The following ADAM22 variants were observed in gnomAD, a reference collection of about 807,000 sequenced individuals.
ADAM22 encodes the protein ADAM metallopeptidase domain 22.
In ADAM22, 65 loss-of-function variants were observed where a neutral mutation model predicts 144.6. The observed-to-expected ratio is 0.45, with a 90% CI of 0.37 to 0.55. ADAM22 has a LOEUF of 0.55. Among genes scored for constraint, ADAM22 ranks in the 20% least tolerant of loss-of-function variants. ADAM22 has a pLI of 0.00. For missense variants in ADAM22, 974 were observed against 1,184.9 expected (o/e 0.82, Z 2.61); for synonymous variants, 391 against 412.6 (o/e 0.95, Z 0.63).
At chr7:88,161,193 G>GAAA (rs34723283) in intron 22 of ADAM22, among the ~76,000 whole-genome samples, 2 of 136,960 alleles carry the variant, frequency 1.5e-5, no homozygotes, top group African/African-American at 5.3e-5. Context: ...AACATATTTG[G>GAAA]AAAAAAAAAA....
rs1373569116 is a variant in ADAM22, at chr7:88,135,996, G to T, written c.1185G>T (p.Glu395Asp). 1 of 1,611,998 alleles carries T rather than the reference G, an allele frequency of 6.2e-7. No individual in the cohort carries two copies. The highest frequency in any genetic ancestry group is 1.1e-5 in the South Asian group (1 of 90,514). ...RKLASGECKC[E>D]DTWSGCIMGD... ...TTCTCTTAGGTGAATGTAAATGCGA[G>T]GACACGTGGTCCGGGTGCATAATGG... Residue 395 changes from glutamate (E) to aspartate (D), a missense_variant, in exon 14 of 32, where the codon GAG becomes GAT. Glu to Asp is a conservative substitution (Grantham distance 45). Around this residue, in one of 2 missense-constraint regions of ADAM22, gnomAD observed 734 missense variants for 950.6 expected, o/e 0.77. Transcript: ENST00000413139.
intron 6 of ADAM22, among the ~76,000 whole-genome samples, chr7:88,115,710 C>T (rs1477244827): frequency 1.3e-5 from 2 of 152,146 alleles, no homozygotes; most frequent in Non-Finnish European, 2.9e-5. Context: ...ACATTCAGTC[C>T]ACAACAAATC....
chr7:87,958,806 C>G (rs1268159727), intron 2 of ADAM22, among the ~76,000 whole-genome samples: 1 of 152,022 alleles, frequency 6.6e-6, no homozygotes, highest in Non-Finnish European at 1.5e-5. Context: ...TTTTGACTGG[C>G]CTATTATGCG....
chr7:88,005,456 C>T (rs1434561481), intron 3 of ADAM22, among the ~76,000 whole-genome samples: 1 of 152,142 alleles, frequency 6.6e-6, no homozygotes, highest in Admixed American at 6.5e-5. Context: ...TACCTTCAAA[C>T]AATTTTAGCT....
intron 3 of ADAM22, among the ~76,000 whole-genome samples, chr7:87,990,548 C>A (rs1789546545): frequency 6.6e-6 from 1 of 152,184 alleles, no homozygotes; most frequent in African/African-American, 2.4e-5. Context: ...ACTTTCCCTC[C>A]CCACTATTGG....
intron 26 of ADAM22, among the ~76,000 whole-genome samples, chr7:88,177,375 C>A (rs1013293307): frequency 2.0e-5 from 3 of 151,142 alleles, no homozygotes; most frequent in Admixed American, 6.6e-5. Context: ...TGTCATGTAA[C>A]AATATAAATG....
intron 3 of ADAM22, among the ~76,000 whole-genome samples, chr7:88,009,866 G>C (rs1487896253): frequency 6.6e-6 from 1 of 152,138 alleles, no homozygotes; most frequent in African/African-American, 2.4e-5. Context: ...TGGGCTCTAA[G>C]AATGTATCTG....
intron 6 of ADAM22, among the ~76,000 whole-genome samples, chr7:88,115,376 T>C (rs2129489958): frequency 6.6e-6 from 1 of 152,342 alleles, no homozygotes; most frequent in East Asian, 1.9e-4. Context: ...CATAACAAAA[T>C]ACTGTAGACT....
At chr7:87,944,816 G>GTTTTTTTTTTTT (rs11311070) in intron 2 of ADAM22, among the ~76,000 whole-genome samples, 4 of 127,026 alleles carry the variant, frequency 3.1e-5, no homozygotes, top group Non-Finnish European at 6.6e-5. Context: ...GGAAACTTGT[G>GTTTTTTTTTTTT]TTTTTTTTTT....
In ADAM22 at chr7:88,184,005, A is replaced by G. The variant is rs140199430; in HGVS notation, c.2663+1981A>G. ...CCATTTGTGTGACTACAAGAGGAGC[A>G]GAATTACCACAGACAAATATATCTT... On this transcript the variant is annotated intron_variant, in intron 29 of 31. Transcript: ENST00000413139. Among the ~76,000 whole-genome samples the G allele has an allele frequency of 9.2e-3, 1,398 of 152,192 alleles. 22 individuals are homozygous for G. The highest frequency in any genetic ancestry group is 0.032 in the African/African-American group (1,328 of 41,526).
At position 87,934,281 on chromosome 7, in the gene ADAM22, T is replaced by C. The variant is rs1222611546; in HGVS notation, c.-185T>C. The C allele has an allele frequency of 7.6e-6, 4 of 524,814 alleles. No homozygotes were observed. Among genetic ancestry groups the C allele is most frequent in the Middle Eastern group, 4.9e-4 (1 of 2,030 alleles). The allele number at this position is 524,814 out of a possible 1,614,324, so 32.5% of individuals were successfully genotyped here. ...CTCGCTCCCCCCGCCAGCGGAAGCG[T>C]CCGCGAAGCACAATGCAGCACTGAG... On this transcript the variant is annotated 5_prime_UTR_variant, in exon 1 of 32. Transcript: ENST00000413139.
intron 3 of ADAM22, among the ~76,000 whole-genome samples, chr7:87,982,930 A>G (rs1854045573): frequency 1.3e-5 from 2 of 151,312 alleles, no homozygotes; most frequent in South Asian, 4.2e-4. Context: ...ACCTCAGGTG[A>G]TCCACCTGCC....
chr7:88,188,494 G>C (rs1308086292), intron 30 of ADAM22, among the ~76,000 whole-genome samples: 1 of 152,186 alleles, frequency 6.6e-6, no homozygotes, highest in Non-Finnish European at 1.5e-5. Flanking sequence ...AGTAGATAGT[G>C]AAATTAAGAA....
At chr7:88,187,629 G>A (rs1166294347) in intron 30 of ADAM22, among the ~76,000 whole-genome samples, 1 of 152,136 alleles carries the variant, frequency 6.6e-6, no homozygotes, top group East Asian at 1.9e-4. Context: ...GGAGAAATAT[G>A]TACTCAATTA....
At position 87,998,863 on chromosome 7, in the gene ADAM22, C is replaced by T. The variant is rs1001983935; in HGVS notation, c.323+20451C>T. On this transcript the variant is annotated intron_variant, in intron 3 of 31. Coordinates refer to ENST00000413139, the MANE Select transcript of ADAM22 (RefSeq NM_001324418.2). Reference sequence around the variant, plus strand: ...GACTATTTATAGTCTTTACTTATCCCACTTAGCATGAACATCATTTGGTAC... The same window carrying T: ...GACTATTTATAGTCTTTACTTATCCTACTTAGCATGAACATCATTTGGTAC... 5.3e-5 allele frequency among the ~76,000 whole-genome samples: 8 copies of T among 152,264 alleles called. No individual in the cohort carries two copies. In the South Asian group the frequency reaches 1.7e-3, roughly 32 times the overall value.
intron 3 of ADAM22, among the ~76,000 whole-genome samples, chr7:87,980,459 C>T (rs1040896315): frequency 6.9e-6 from 1 of 144,974 alleles, no homozygotes; most frequent in Non-Finnish European, 1.5e-5. Flanking sequence ...GGAGCAGGAA[C>T]GTGAAGAACA....
At position 88,164,230 on chromosome 7, in the gene ADAM22, A is replaced by G. The variant is rs542858328; in HGVS notation, c.2076+1050A>G. ...TTTTTCTTGATCATCCATGCTAATG[A>G]ATAAGCATGTCTTATCCATCTTAAG... On this transcript the variant is annotated intron_variant, in intron 23 of 31. Transcript: ENST00000413139. Among the ~76,000 whole-genome samples, 5 of 152,216 alleles carry G rather than the reference A, an allele frequency of 3.3e-5. No individual in the cohort carries two copies. The South Asian group carries it at 1.0e-3, about 32-fold the overall frequency.
chr7:88,091,730 G>A (rs926200575), intron 4 of ADAM22, among the ~76,000 whole-genome samples: 2 of 152,158 alleles, frequency 1.3e-5, no homozygotes, highest in Non-Finnish European at 2.9e-5. Context: ...ATCTACTGTA[G>A]TTTATCCTCC....
intron 4 of ADAM22, among the ~76,000 whole-genome samples, chr7:88,084,676 T>A (rs1817924849): frequency 6.6e-6 from 1 of 152,230 alleles, no homozygotes; most frequent in South Asian, 2.1e-4. Context: ...ATTAATACAT[T>A]ATAAATCAAA....
Sources: gnomAD v4.1 joint callset for allele counts (sites outside exome capture counted in the v4.1 genomes callset) on GRCh38, gnomAD v4.1.1 for gene constraint, gnomAD v4.1.1 regional missense constraint, MANE v1.5 for transcripts, NCBI Gene and HGNC (gene_info 2026-07-23, HGNC 2026-07-21) for gene names.